Variants in CA8 observed in about 807,000 individuals in gnomAD.
CA8 encodes carbonic anhydrase 8 (inactive), also known as carbonic anhydrase-related protein.
In CA8, 22 loss-of-function variants were observed where a neutral mutation model predicts 41.4. The observed-to-expected ratio is 0.53, with a 90% CI of 0.38 to 0.76. The LOEUF (loss-of-function observed/expected upper bound fraction) is 0.76. Among genes scored for constraint, CA8 ranks in the 30% least tolerant of loss-of-function variants. CA8 has a pLI of 0.00. For synonymous variants in CA8, 121 were observed against 130.6 expected, an observed-to-expected ratio of 0.93 and a Z score of 0.50; for missense variants, 270 against 352.8, an observed-to-expected ratio of 0.77 and a Z score of 1.88.
chr8:60,190,433 AT>A (rs1442156995), intron 8 of CA8, among the ~76,000 whole-genome samples: 17 of 736 alleles, frequency 0.023, no homozygotes, highest in Non-Finnish European at 0.032. Context: ...TAAATGCAGA[AT>A]ATATATATAT....
chr8:60,266,538 T>C (rs1157727311), intron 2 of CA8, among the ~76,000 whole-genome samples: 3 of 152,220 alleles, frequency 2.0e-5, no homozygotes, highest in Non-Finnish European at 4.4e-5. Context: ...ATGAAGAGGA[T>C]TGATTAGCAT....
chr8:60,258,427 A>C (rs1803620274), intron 3 of CA8, among the ~76,000 whole-genome samples: 1 of 152,204 alleles, frequency 6.6e-6, no homozygotes, highest in African/African-American at 2.4e-5. Context: ...CTAGAAATGT[A>C]TCCTCCACAG....
chr8:60,246,974 C>A (rs1242831431), intron 3 of CA8, among the ~76,000 whole-genome samples: 1 of 149,964 alleles, frequency 6.7e-6, no homozygotes, highest in Non-Finnish European at 1.5e-5. Flanking sequence ...AGCTCCACCT[C>A]CCAGGTTCAC....
chr8:60,240,770 T>C (rs1246181853), intron 3 of CA8, among the ~76,000 whole-genome samples: 2 of 152,066 alleles, frequency 1.3e-5, no homozygotes, highest in African/African-American at 4.8e-5. Flanking sequence ...CAGGTCCCAA[T>C]AGATTCTGAG....
chr8:60,206,991 C>T (rs1806610328), intron 8 of CA8, among the ~76,000 whole-genome samples: 1 of 152,132 alleles, frequency 6.6e-6, no homozygotes, highest in Admixed American at 6.5e-5. Context: ...GTTGCTGCGG[C>T]CTCCTGCCCC....
intron 2 of CA8, among the ~76,000 whole-genome samples, chr8:60,266,455 G>A (rs995408317): frequency 5.9e-5 from 9 of 152,164 alleles, no homozygotes; most frequent in African/African-American, 1.9e-4. Flanking sequence ...ATTAAACCAC[G>A]TTTGCAGATC....
intron 8 of CA8, among the ~76,000 whole-genome samples, chr8:60,207,233 A>T (rs1335664483): frequency 6.6e-6 from 1 of 152,172 alleles, no homozygotes; most frequent in African/African-American, 2.4e-5. Context: ...CCCGTAACCT[A>T]ACTTATCTGT....
At chr8:60,221,326 T>C (rs1807238840) in intron 7 of CA8, among the ~76,000 whole-genome samples, 1 of 152,236 alleles carries the variant, frequency 6.6e-6, no homozygotes, top group South Asian at 2.1e-4. Context: ...CCCAACTCTA[T>C]GGTGAAATTT....
intron 7 of CA8, among the ~76,000 whole-genome samples, chr8:60,219,852 T>C (rs756629550): frequency 2.1e-5 from 3 of 144,010 alleles, no homozygotes; most frequent in East Asian, 2.1e-4. Context: ...AGTCACCATA[T>C]CAAGGGATCA....
intron 4 of CA8, among the ~76,000 whole-genome samples, chr8:60,230,976 T>C (rs373712367): frequency 2.6e-5 from 4 of 152,290 alleles, no homozygotes; most frequent in African/African-American, 9.6e-5. Context: ...ATGTGGTTAT[T>C]TGTATTCTTA....
intron 7 of CA8, among the ~76,000 whole-genome samples, chr8:60,222,066 G>C (rs114444652): frequency 6.6e-6 from 1 of 152,092 alleles, no homozygotes; most frequent in Non-Finnish European, 1.5e-5. Context: ...TTCGAGTGGC[G>C]CTGCCTCATG....
chr8:60,277,623 G>A (rs991017734), intron 2 of CA8, among the ~76,000 whole-genome samples: 2 of 152,096 alleles, frequency 1.3e-5, no homozygotes, highest in Non-Finnish European at 2.9e-5. Context: ...CCAAAGTGCT[G>A]GGATTACACT....
intron 4 of CA8, among the ~76,000 whole-genome samples, chr8:60,231,818 T>C (rs992859084): frequency 1.7e-4 from 26 of 152,220 alleles, no homozygotes; most frequent in African/African-American, 6.0e-4. Context: ...TCTGCCAAGG[T>C]CTTTGCCAGT....
intron 3 of CA8, among the ~76,000 whole-genome samples, chr8:60,247,596 T>C (rs1054616088): frequency 7.2e-5 from 11 of 152,254 alleles, no homozygotes; most frequent in Non-Finnish European, 1.6e-4. Context: ...CATTCCTTTT[T>C]ATGATTGCAT....
At chr8:60,277,881 G>A (rs990552157) in intron 2 of CA8, among the ~76,000 whole-genome samples, 15 of 152,108 alleles carry the variant, frequency 9.9e-5, no homozygotes, top group Admixed American at 8.5e-4. Context: ...ATGACAGAGA[G>A]GATAAGGGGA....
chr8:60,267,356 GC>G (rs779235141), intron 2 of CA8, among the ~76,000 whole-genome samples: 2 of 152,292 alleles, frequency 1.3e-5, no homozygotes, highest in South Asian at 4.1e-4. Context: ...CTTTCTACCA[GC>G]TCAAACAACG....
chr8:60,280,779 G>T (rs1364651594), intron 1 of CA8, among the ~76,000 whole-genome samples: 2 of 152,258 alleles, frequency 1.3e-5, no homozygotes, highest in Non-Finnish European at 2.9e-5. Context: ...CCCGCCCTCC[G>T]GACCGCAGCA....
intron 4 of CA8, among the ~76,000 whole-genome samples, chr8:60,228,884 C>T (rs1483262878): frequency 6.6e-6 from 1 of 152,192 alleles, no homozygotes; most frequent in East Asian, 1.9e-4. Flanking sequence ...ATAAACTCTG[C>T]TATTATGCCA....
intron 3 of CA8, among the ~76,000 whole-genome samples, chr8:60,243,466 C>T (rs1418663145): frequency 1.3e-5 from 2 of 151,754 alleles, no homozygotes; most frequent in Non-Finnish European, 2.9e-5. Flanking sequence ...CCTCACATAC[C>T]CTCCTACTAC....
Sources: allele counts gnomAD v4.1 joint callset (sites outside exome capture counted in the v4.1 genomes callset), GRCh38; gene constraint gnomAD v4.1.1; transcripts MANE v1.5; gene names NCBI Gene and HGNC (gene_info 2026-07-23, HGNC 2026-07-21).